Variants in RMND1 observed in about 807,000 individuals in gnomAD.
RMND1 encodes the protein required for meiotic nuclear division 1 homolog.
RMND1 carries 41 observed loss-of-function variants against 54.0 expected under a neutral mutation model. That is an observed-to-expected ratio of 0.76 (90% CI 0.59 to 0.98). RMND1 has a LOEUF of 0.98. Ranked by LOEUF, RMND1 falls within the 50% of genes least tolerant of loss-of-function variation. The pLI is 0.00. For synonymous variants in RMND1, 183 were observed against 181.7 expected, an observed-to-expected ratio of 1.01 and a Z score of -0.06; for missense variants, 457 against 532.0, an observed-to-expected ratio of 0.86 and a Z score of 1.39.
chr6:151,434,760 C>T (rs1338433360), intron 3 of RMND1, among the ~76,000 whole-genome samples: 2 of 152,190 alleles, frequency 1.3e-5, no homozygotes, highest in Non-Finnish European at 2.9e-5. Context: ...GGCTTTCAAC[C>T]TATTTTTGCT....
In RMND1 at chr6:151,445,460, A is replaced by G. The variant is rs530541754; in HGVS notation, c.352T>C (p.Trp118Arg). The G allele has an allele frequency of 1.9e-6, 3 of 1,614,202 alleles. No homozygotes were observed. In the South Asian group the frequency reaches 3.3e-5, roughly 18 times the overall value. ...THKPNLLGSK[W>R]FIKILKRHFS... The stretch of plus-strand genomic sequence containing the variant: ...TGCCTCTTTAATATTTTTATAAACC[A>G]TTTAGAACCCAACAGATTTGGTTTG... Residue 118 changes from tryptophan to arginine, a missense_variant, in exon 2 of 12, where the codon TGG becomes CGG. Trp to Arg is a moderately radical substitution (Grantham distance 101, BLOSUM62 -3). Coordinates refer to ENST00000444024, the MANE Select transcript of RMND1 (RefSeq NM_017909.4).
intron 5 of RMND1, among the ~76,000 whole-genome samples, chr6:151,427,965 T>C (rs1030918398): frequency 4.0e-5 from 6 of 151,886 alleles, no homozygotes; most frequent in African/African-American, 1.5e-4. Flanking sequence ...CGTGGCAAAA[T>C]CCTGTCTCTA....
At chr6:151,410,509 G>A (rs572248100) in intron 10 of RMND1, among the ~76,000 whole-genome samples, 2 of 152,250 alleles carry the variant, frequency 1.3e-5, no homozygotes, top group South Asian at 2.1e-4. Flanking sequence ...ATAATCCAAC[G>A]AGTCTGAACT....
At chr6:151,412,916 C>A (rs9383891) in intron 10 of RMND1, among the ~76,000 whole-genome samples, 32,404 of 152,068 alleles carry the variant, frequency 0.21, 3,960 homozygotes, top group East Asian at 0.53. Context: ...GTCACCCCCC[C>A]ACCAGGACCC....
chr6:151,416,703 A>G (rs552033320), intron 10 of RMND1: 3 of 152,164 alleles, frequency 2.0e-5, no homozygotes, highest in African/African-American at 4.8e-5. Flanking sequence ...GGATTTCTTA[A>G]TACACGTCTC....
rs375747423 is a variant in RMND1 at position 151,405,301 on chromosome 6, G to T, written c.1318-34C>A. On this transcript the variant is annotated intron_variant, in intron 11 of 11. Coordinates refer to ENST00000444024, the MANE Select transcript of RMND1 (RefSeq NM_017909.4). Reference sequence around the variant, plus strand: ...AGAAAGTGAGAATTATTTCATGACGGGCAAATTATGGGTACAAACTAAAAT... The same window carrying T: ...AGAAAGTGAGAATTATTTCATGACGTGCAAATTATGGGTACAAACTAAAAT... 2.2e-4 allele frequency: 343 copies of T among 1,577,716 alleles called. 1 individual carries two copies. In the African/African-American group the frequency reaches 4.3e-3, roughly 20 times the overall value.
chr6:151,436,897 GTTT>G, intron 2 of RMND1: 1 of 174,662 alleles, frequency 5.7e-6, no homozygotes, highest in Non-Finnish European at 1.2e-5. Context: ...TGGATGGAAT[GTTT>G]AAGTCTCTCC....
At chr6:151,430,258 C>T in intron 4 of RMND1, 81 bp from the exon 5 acceptor site, 1 of 988,282 alleles carries the variant, frequency 1.0e-6, no homozygotes, top group Non-Finnish European at 1.6e-6. Context: ...CATGTAACTT[C>T]TAGAATGTAT....
chr6:151,405,869 A>G (rs1779601404), intron 10 of RMND1, 33 bp from the exon 11 acceptor site: 2 of 1,130,938 alleles, frequency 1.8e-6, no homozygotes, highest in South Asian at 1.2e-5. Context: ...ACATGTATTT[A>G]AACAATTTAA....
chr6:151,430,331 A>C (rs1246209045), intron 4 of RMND1, 154 bp from the exon 5 acceptor site: 2 of 525,880 alleles, frequency 3.8e-6, no homozygotes, highest in Non-Finnish European at 7.0e-6. Context: ...TCCTTAGGTG[A>C]ACTTCCTACA....
chr6:151,424,530 G>A (rs948762873), intron 6 of RMND1, among the ~76,000 whole-genome samples: 1 of 152,028 alleles, frequency 6.6e-6, no homozygotes, highest in Non-Finnish European at 1.5e-5. Context: ...TTCAGTAGGG[G>A]TTGGCTCAGT....
chr6:151,433,095 A>G, intron 4 of RMND1, 60 bp downstream of exon 4: 1 of 1,025,878 alleles, frequency 9.7e-7, no homozygotes, highest in Non-Finnish European at 1.5e-6. Context: ...GCACCTTTAA[A>G]GACCACAATT....
Position 151,427,535 on chromosome 6 carries a change from A to G in RMND1, c.777T>C (p.Tyr259=). Residue 259 remains tyrosine (Y), a synonymous_variant, in exon 6 of 12, where the codon TAT becomes TAC. Coordinates refer to ENST00000444024, the MANE Select transcript of RMND1 (RefSeq NM_017909.4). ...KVLEKHEIQP[Y]EIALVHWENE... ...TTTCCCAGTGTACCAGTGCGATTTC[A>G]TAGGGCTGAATTTCATGTTTTTCTA... 6.2e-7 allele frequency: 1 copy of G among 1,612,546 alleles called. No individual in the cohort carries two copies. The highest frequency in any genetic ancestry group is 1.3e-5 in the African/African-American group (1 of 74,980).
At chr6:151,422,799 G>A (rs1054805360) in intron 7 of RMND1, among the ~76,000 whole-genome samples, 194 bp from the exon 8 acceptor site, 13 of 152,254 alleles carry the variant, frequency 8.5e-5, no homozygotes, top group Admixed American at 8.5e-4. Flanking sequence ...AAACTGAATC[G>A]CTTTCCATGC....
intron 2 of RMND1, 75 bp from the exon 3 acceptor site, chr6:151,436,629 T>C: frequency 1.4e-6 from 2 of 1,431,376 alleles, no homozygotes; most frequent in South Asian, 1.2e-5. Flanking sequence ...AGCACCCTAC[T>C]GGACTCCATT....
chr6:151,426,644 A>G (rs1339950363), intron 6 of RMND1, among the ~76,000 whole-genome samples: 1 of 152,140 alleles, frequency 6.6e-6, no homozygotes, highest in South Asian at 2.1e-4. Context: ...GAAACTTAAC[A>G]TTTCCATTTT....
chr6:151,435,149 ATTTAT>A (rs1488038899), intron 3 of RMND1, among the ~76,000 whole-genome samples: 2 of 149,558 alleles, frequency 1.3e-5, no homozygotes, highest in African/African-American at 5.0e-5. Context: ...CGCCCGGCCT[ATTTAT>A]TTATTTTTTA....
At chr6:151,441,876 AC>A (rs1780786030) in intron 2 of RMND1, among the ~76,000 whole-genome samples, 1 of 152,184 alleles carries the variant, frequency 6.6e-6, no homozygotes, top group South Asian at 2.1e-4. Context: ...AAATAATCAA[AC>A]CTGAAGAGGG....
intron 6 of RMND1, among the ~76,000 whole-genome samples, chr6:151,424,963 G>A (rs1780253937): frequency 1.3e-5 from 2 of 151,870 alleles, no homozygotes; most frequent in African/African-American, 4.8e-5. Flanking sequence ...TTTTTTTTGA[G>A]ACGGAGTCTT....
Sources: allele counts gnomAD v4.1 joint callset (sites outside exome capture counted in the v4.1 genomes callset), GRCh38; gene constraint gnomAD v4.1.1; transcripts MANE v1.5; gene names NCBI Gene and HGNC (gene_info 2026-07-23, HGNC 2026-07-21).